The following MDGA2 variants were observed in gnomAD, a reference collection of about 807,000 sequenced individuals.
The protein encoded by MDGA2 is MAM domain-containing glycosylphosphatidylinositol anchor protein 2.
Under a neutral mutation model 117.8 loss-of-function variants are expected in MDGA2, and 40 were observed. The observed-to-expected ratio is 0.34, with a 90% confidence interval of 0.26 to 0.44. The LOEUF is 0.44. Ranked by LOEUF, MDGA2 falls within the 20% of genes least tolerant of loss-of-function variation. The probability of loss-of-function intolerance (pLI) is 1.00; values close to 1 mark genes in which losing one functional copy is unlikely to be tolerated. For synonymous variants in MDGA2, 452 were observed against 439.0 expected, an observed-to-expected ratio of 1.03 and a Z score of -0.37; for missense variants, 1,123 against 1,250.6, an observed-to-expected ratio of 0.90 and a Z score of 1.54.
intron 1 of MDGA2, among the ~76,000 whole-genome samples, chr14:47,529,939 A>T (rs1445850568): frequency 6.6e-6 from 1 of 152,210 alleles, no homozygotes; most frequent in East Asian, 1.9e-4. Context: ...ACTGCTACGG[A>T]ATAAAAGATG....
At chr14:47,348,817 G>T (rs1034761005) in intron 1 of MDGA2, among the ~76,000 whole-genome samples, 1 of 152,140 alleles carries the variant, frequency 6.6e-6, no homozygotes, top group Non-Finnish European at 1.5e-5. Context: ...TAATCTAAAA[G>T]TCATTGCTGA....
chr14:47,090,017 C>A (rs188162377), intron 6 of MDGA2, among the ~76,000 whole-genome samples: 61 of 152,134 alleles, frequency 4.0e-4, no homozygotes, highest in African/African-American at 1.4e-3. Flanking sequence ...ATGTTAAGAA[C>A]TTTTAATCAT....
intron 1 of MDGA2, among the ~76,000 whole-genome samples, chr14:47,498,508 T>C (rs140827854): frequency 1.2e-3 from 185 of 152,296 alleles, no homozygotes; most frequent in African/African-American, 4.1e-3. Context: ...ACTGTTAGTA[T>C]ATACATGTGC....
chr14:47,185,297 G>A (rs1884866027), intron 3 of MDGA2, among the ~76,000 whole-genome samples: 1 of 151,186 alleles, frequency 6.6e-6, no homozygotes, highest in Admixed American at 6.6e-5. Flanking sequence ...TAATTATTCT[G>A]GAAAAAATGA....
chr14:46,941,216 T>G (rs934764858), intron 9 of MDGA2, among the ~76,000 whole-genome samples: 2 of 152,194 alleles, frequency 1.3e-5, no homozygotes, highest in African/African-American at 4.8e-5. Context: ...ATACATTCTT[T>G]TAAAATAGAC....
At chr14:47,614,949 A>C (rs1156790350) in intron 1 of MDGA2, among the ~76,000 whole-genome samples, 1 of 152,152 alleles carries the variant, frequency 6.6e-6, no homozygotes, top group Non-Finnish European at 1.5e-5. Context: ...AATGTTCCAT[A>C]AGTTTAACTT....
intron 1 of MDGA2, among the ~76,000 whole-genome samples, chr14:47,545,126 G>A (rs1425031730): frequency 6.6e-6 from 1 of 152,118 alleles, no homozygotes; most frequent in Non-Finnish European, 1.5e-5. Flanking sequence ...AAATCTGTCA[G>A]GTTCTGTGAC....
intron 1 of MDGA2, among the ~76,000 whole-genome samples, chr14:47,426,186 G>T (rs1420946581): frequency 6.6e-6 from 1 of 152,074 alleles, no homozygotes; most frequent in Non-Finnish European, 1.5e-5. Flanking sequence ...TTTGCTAGAG[G>T]ATATCACATT....
At chr14:46,864,867 A>G (rs1295266017) in intron 14 of MDGA2, among the ~76,000 whole-genome samples, 1 of 152,058 alleles carries the variant, frequency 6.6e-6, no homozygotes, top group Non-Finnish European at 1.5e-5. Flanking sequence ...GTCTTCTTCA[A>G]GGAACTTAAT....
chr14:47,057,825 G>C (rs1346686496), intron 7 of MDGA2, among the ~76,000 whole-genome samples: 1 of 151,902 alleles, frequency 6.6e-6, no homozygotes, highest in Non-Finnish European at 1.5e-5. Context: ...TACCATGATA[G>C]CTCACTGCAG....
At chr14:47,553,021 C>G (rs1895613969) in intron 1 of MDGA2, among the ~76,000 whole-genome samples, 1 of 152,212 alleles carries the variant, frequency 6.6e-6, no homozygotes, top group South Asian at 2.1e-4. Context: ...TAAAAGGCAG[C>G]CCTAACCTAA....
At chr14:47,136,553 G>A (rs759497862) in intron 4 of MDGA2, among the ~76,000 whole-genome samples, 1 of 152,110 alleles carries the variant, frequency 6.6e-6, no homozygotes, top group Admixed American at 6.5e-5. Flanking sequence ...CTCTAAAAGT[G>A]TATTCTTCCT....
intron 10 of MDGA2, among the ~76,000 whole-genome samples, chr14:46,906,803 G>C (rs1390073751): frequency 4.6e-5 from 7 of 151,966 alleles, no homozygotes; most frequent in Non-Finnish European, 1.0e-4. Context: ...ACTCAGTAGA[G>C]AGATGTATCT....
intron 1 of MDGA2, among the ~76,000 whole-genome samples, chr14:47,519,088 C>T (rs1894815138): frequency 6.6e-6 from 1 of 151,964 alleles, no homozygotes; most frequent in East Asian, 1.9e-4. Flanking sequence ...CCTGTAATCC[C>T]AGCTACTTGG....
chr14:47,504,736 A>C (rs181947291), intron 1 of MDGA2, among the ~76,000 whole-genome samples: 162 of 152,302 alleles, frequency 1.1e-3, no homozygotes, highest in Non-Finnish European at 1.7e-3. Context: ...AACTGTTTAT[A>C]CTGTTCGTGG....
intron 1 of MDGA2, among the ~76,000 whole-genome samples, chr14:47,399,304 T>C (rs947222399): frequency 6.6e-6 from 1 of 151,822 alleles, no homozygotes; most frequent in Non-Finnish European, 1.5e-5. Context: ...AAATTCATTG[T>C]CCCCCAGTTA....
chr14:47,500,842 G>A (rs1858958957), intron 1 of MDGA2, among the ~76,000 whole-genome samples: 2 of 151,940 alleles, frequency 1.3e-5, no homozygotes, highest in African/African-American at 4.8e-5. Flanking sequence ...CATTCACCCT[G>A]CTTTTTCTGA....
intron 1 of MDGA2, among the ~76,000 whole-genome samples, chr14:47,390,445 T>TA (rs1186051791): frequency 1.3e-5 from 2 of 152,142 alleles, no homozygotes; most frequent in Non-Finnish European, 2.9e-5. Context: ...ATCGTAAAGA[T>TA]ACTATCGTTT....
At chr14:47,364,190 T>A (rs561027274) in intron 1 of MDGA2, among the ~76,000 whole-genome samples, 1 of 152,288 alleles carries the variant, frequency 6.6e-6, no homozygotes, top group African/African-American at 2.4e-5. Context: ...TATCTATGAG[T>A]CATATCTAAA....
Sources: gnomAD v4.1 joint callset for allele counts (sites outside exome capture counted in the v4.1 genomes callset) on GRCh38, gnomAD v4.1.1 for gene constraint, MANE v1.5 for transcripts, NCBI Gene and HGNC (gene_info 2026-07-23, HGNC 2026-07-21) for gene names.